Variants in GTF2E2 observed in about 807,000 individuals in gnomAD.
GTF2E2 encodes general transcription factor IIE subunit 2, also known as transcription initiation factor IIE subunit beta.
Under a neutral mutation model 40.5 loss-of-function variants are expected in GTF2E2, and 21 were observed. The observed-to-expected ratio is 0.52, with a 90% CI of 0.37 to 0.75. GTF2E2 has a LOEUF of 0.75. Among genes scored for constraint, GTF2E2 ranks in the 30% least tolerant of loss-of-function variants. The pLI is 0.00. For synonymous variants in GTF2E2, 117 were observed against 121.6 expected (o/e 0.96, Z 0.25); for missense variants, 298 against 338.4 (o/e 0.88, Z 0.94).
intron 3 of GTF2E2, among the ~76,000 whole-genome samples, chr8:30,619,476 C>A (rs537343893): frequency 2.6e-5 from 4 of 151,830 alleles, no homozygotes; most frequent in Non-Finnish European, 5.9e-5. Flanking sequence ...GCAACCGCCA[C>A]CTCCCAGGTT....
intron 1 of GTF2E2, among the ~76,000 whole-genome samples, chr8:30,655,328 G>A (rs190506766): frequency 6.6e-6 from 1 of 152,254 alleles, no homozygotes; most frequent in East Asian, 1.9e-4. Flanking sequence ...AACCAGGGAA[G>A]CTACAGGTCA....
chr8:30,628,862 C>T (rs1308276105), intron 3 of GTF2E2, among the ~76,000 whole-genome samples: 3 of 149,870 alleles, frequency 2.0e-5, no homozygotes, highest in South Asian at 2.1e-4. Flanking sequence ...ACCCGGGAGG[C>T]GGAGGTTACG....
chr8:30,615,040 G>A (rs1003223483), intron 3 of GTF2E2, among the ~76,000 whole-genome samples: 2 of 151,746 alleles, frequency 1.3e-5, no homozygotes, highest in African/African-American at 2.4e-5. Context: ...CACTCTGGGG[G>A]ACTAAGGCAG....
chr8:30,589,511 T>C (rs956092716), intron 6 of GTF2E2, among the ~76,000 whole-genome samples: 1 of 152,210 alleles, frequency 6.6e-6, no homozygotes, highest in African/African-American at 2.4e-5. Flanking sequence ...CAGTGACCTA[T>C]GACTGTGCCA....
Position 30,599,697 on chromosome 8 carries a change from C to T in GTF2E2, c.643+7360G>A, listed in dbSNP as rs151174308. ...TACCATGTAGCCATTTAAAAAATAA[C>T]GATCAGGCAGGGCACGGTGGCTCAC... is the stretch of plus-strand genomic sequence containing the variant. On this transcript the variant is annotated intron_variant, in intron 6 of 7. Transcript: ENST00000355904. Among the ~76,000 whole-genome samples, 437 of 150,930 alleles carry T rather than the reference C, an allele frequency of 2.9e-3. 3 individuals are homozygous for T. Among genetic ancestry groups the T allele is most frequent in the African/African-American group, 9.9e-3 (408 of 41,122 alleles).
chr8:30,607,725 T>C (rs1021614949), intron 5 of GTF2E2, among the ~76,000 whole-genome samples: 2 of 152,202 alleles, frequency 1.3e-5, no homozygotes, highest in African/African-American at 4.8e-5. Context: ...TTGCTGCAAT[T>C]ACTATTTGGG....
At chr8:30,650,229 T>C (rs1586010215) in intron 2 of GTF2E2, among the ~76,000 whole-genome samples, 1 of 152,148 alleles carries the variant, frequency 6.6e-6, no homozygotes, top group African/African-American at 2.4e-5. Context: ...AAAATGATTA[T>C]ACACCATAAC....
intron 3 of GTF2E2, among the ~76,000 whole-genome samples, chr8:30,625,439 C>T (rs907931254): frequency 8.5e-5 from 13 of 152,056 alleles, no homozygotes; most frequent in South Asian, 2.1e-4. Context: ...CACAAGAAAT[C>T]GTGATTTTAA....
chr8:30,632,508 G>C (rs1801468459), intron 3 of GTF2E2, among the ~76,000 whole-genome samples: 1 of 152,062 alleles, frequency 6.6e-6, no homozygotes, highest in African/African-American at 2.4e-5. Context: ...CATACTAAAA[G>C]TTTTCACAAA....
At chr8:30,628,125 A>G (rs1276687567) in intron 3 of GTF2E2, among the ~76,000 whole-genome samples, 1 of 152,244 alleles carries the variant, frequency 6.6e-6, no homozygotes, top group African/African-American at 2.4e-5. Context: ...AAAATTAAAC[A>G]GTACTTTCTC....
intron 3 of GTF2E2, among the ~76,000 whole-genome samples, chr8:30,616,328 C>T (rs773410851): frequency 1.8e-4 from 27 of 152,006 alleles, no homozygotes; most frequent in Non-Finnish European, 3.1e-4. Flanking sequence ...CTCAGCTACT[C>T]GGGAGGCTGA....
chr8:30,619,547 C>A (rs1472374274), intron 3 of GTF2E2, among the ~76,000 whole-genome samples: 2 of 151,718 alleles, frequency 1.3e-5, no homozygotes, highest in African/African-American at 2.4e-5. Flanking sequence ...CACCACAACA[C>A]CTGGCTAATT....
intron 6 of GTF2E2, among the ~76,000 whole-genome samples, chr8:30,604,432 T>C (rs373951903): frequency 6.6e-5 from 10 of 152,308 alleles, no homozygotes; most frequent in South Asian, 2.1e-4. Context: ...GACTACTTCA[T>C]TAAAATAAAA....
At chr8:30,589,246 C>A (rs987187998) in intron 6 of GTF2E2, among the ~76,000 whole-genome samples, 1 of 152,142 alleles carries the variant, frequency 6.6e-6, no homozygotes, top group Non-Finnish European at 1.5e-5. Flanking sequence ...CAAAGCGAGA[C>A]TCCACCTCAA....
intron 3 of GTF2E2, among the ~76,000 whole-genome samples, chr8:30,630,071 T>C (rs1801397838): frequency 6.6e-6 from 1 of 152,228 alleles, no homozygotes; most frequent in Non-Finnish European, 1.5e-5. Context: ...AGCAATAAAA[T>C]TTGTTTTACA....
At chr8:30,589,751 T>C (rs1179115184) in intron 6 of GTF2E2, among the ~76,000 whole-genome samples, 1 of 152,132 alleles carries the variant, frequency 6.6e-6, no homozygotes, top group African/African-American at 2.4e-5. Context: ...CTGGACAGAA[T>C]GAGAAGAACT....
chr8:30,622,316 C>T (rs1329182687), intron 3 of GTF2E2, among the ~76,000 whole-genome samples: 2 of 151,884 alleles, frequency 1.3e-5, no homozygotes, highest in Non-Finnish European at 2.9e-5. Context: ...CATCACATGT[C>T]AGTAGGTTCC....
chr8:30,593,383 T>A (rs527597280), intron 6 of GTF2E2, among the ~76,000 whole-genome samples: 37 of 152,350 alleles, frequency 2.4e-4, no homozygotes, highest in Non-Finnish European at 3.5e-4. Context: ...GTATTTCTCC[T>A]TTTAGTTTCA....
At position 30,580,385 on chromosome 8, in the gene GTF2E2, G is replaced by C. The variant is rs1288692458; in HGVS notation, c.655C>G (p.Leu219Val). ...QFSVDEEFQK[L>V]WRSVTVDSMD... is the part of the protein sequence containing the mutation. ...GAATCTACAGTGACACTCCTCCACA[G>C]TTTCTGAAATTCTGTATCAAACAGA... Residue 219 changes from leucine to valine, a missense_variant, in exon 7 of 8, where the codon CTG (leucine) becomes GTG (valine). Leu to Val is a conservative substitution (Grantham distance 32). Transcript: ENST00000355904. 1.3e-6 allele frequency: 2 copies of C among 1,558,500 alleles called. No individual in the cohort carries two copies. The highest frequency in any genetic ancestry group is 2.2e-5 in the East Asian group (1 of 44,616).
Sources: gnomAD v4.1 joint callset for allele counts (sites outside exome capture counted in the v4.1 genomes callset) on GRCh38, gnomAD v4.1.1 for gene constraint, MANE v1.5 for transcripts, NCBI Gene and HGNC (gene_info 2026-07-23, HGNC 2026-07-21) for gene names.